Variants in COL4A6 observed in about 807,000 individuals in gnomAD.
The protein encoded by COL4A6 is collagen type IV alpha 6 chain.
In COL4A6, 59 loss-of-function variants were observed where a neutral mutation model predicts 126.7. The ratio of observed to expected loss-of-function variants is 0.47; its 90% CI spans 0.38 to 0.58. COL4A6 has a LOEUF of 0.58. Among genes scored for constraint, COL4A6 ranks in the 20% least tolerant of loss-of-function variants. The pLI, the probability that COL4A6 is intolerant of heterozygous loss-of-function variation, is 0.00. For synonymous variants in COL4A6, 547 were observed against 496.6 expected, an observed-to-expected ratio of 1.10 and a Z score of -1.35; for missense variants, 1,285 against 1,337.3, an observed-to-expected ratio of 0.96 and a Z score of 0.61.
In COL4A6 at chrX:108,190,506, A is replaced by G. The variant is rs756629044; in HGVS notation, c.1322-10T>C. 2 of 1,113,992 alleles carry G rather than the reference A, an allele frequency of 1.8e-6. No homozygotes were observed. The highest frequency in any genetic ancestry group is 4.5e-5 in the Admixed American group (2 of 44,588). The allele number at this position is 1,113,992 out of a possible 1,213,427, so 91.8% of individuals were successfully genotyped here. On this transcript the variant is annotated splice_polypyrimidine_tract_variant and intron_variant, in intron 19 of 44. Transcript: ENST00000334504. ...GTCTCAAATTCTGGACCTTTGGGTAAAAAAAAGATAAAGGATTAGCAACTT... is the reference window on the plus strand; with the variant it reads ...GTCTCAAATTCTGGACCTTTGGGTAGAAAAAAGATAAAGGATTAGCAACTT...
intron 23 of COL4A6, among the ~76,000 whole-genome samples, chrX:108,184,310 C>G (rs1043140173): frequency 4.4e-5 from 5 of 112,363 alleles, no homozygotes; most frequent in Non-Finnish European, 9.4e-5. Flanking sequence ...TTTCTTGAAA[C>G]TCTTCATACT....
At position 108,299,978 on chromosome X, in the gene COL4A6, A is replaced by G. The variant is rs754573413; in HGVS notation, c.144+10770T>C. 1.8e-5 allele frequency among the ~76,000 whole-genome samples: 2 copies of G among 111,845 alleles called. 1 individual carries two copies. The highest frequency in any genetic ancestry group is 7.7e-4 in the South Asian group (2 of 2,609). Reference sequence around the variant, plus strand: ...TCCCCAAACTCTGCCTTATACTTATAACCCCCACAATAAAATTTGTCAGGT... The same window carrying G: ...TCCCCAAACTCTGCCTTATACTTATGACCCCCACAATAAAATTTGTCAGGT... On this transcript the variant is annotated intron_variant, in intron 3 of 44. Coordinates refer to ENST00000334504, the MANE Select transcript of COL4A6 (RefSeq NM_033641.4).
chrX:108,176,294 G>A (rs890377018), intron 28 of COL4A6, among the ~76,000 whole-genome samples: 1 of 82,072 alleles, frequency 1.2e-5, no homozygotes, highest in African/African-American at 4.6e-5. Flanking sequence ...CACTTCACTC[G>A]AAAGAGCAAA....
At chrX:108,286,906 TC>T (rs1182329499) in intron 3 of COL4A6, among the ~76,000 whole-genome samples, 1 of 111,721 alleles carries the variant, frequency 9.0e-6, no homozygotes, top group Admixed American at 9.5e-5. Context: ...AGGGGCATAC[TC>T]CTTTCCCCTA....
intron 3 of COL4A6, among the ~76,000 whole-genome samples, chrX:108,257,763 G>A (rs2037045126): frequency 9.0e-6 from 1 of 110,899 alleles, no homozygotes. Flanking sequence ...GCTCTACAGA[G>A]GTACCAAACT....
At chrX:108,177,235 A>C (rs949804011) in intron 27 of COL4A6, among the ~76,000 whole-genome samples, 3 of 112,640 alleles carry the variant, frequency 2.7e-5, no homozygotes, top group Admixed American at 9.4e-5. Flanking sequence ...TACTTCCAGC[A>C]TGGCACATTA....
At chrX:108,176,587 T>G (rs2034496986) in intron 28 of COL4A6, among the ~76,000 whole-genome samples, 1 of 111,639 alleles carries the variant, frequency 9.0e-6, no homozygotes, top group Admixed American at 9.4e-5. Context: ...GTAAACCCAG[T>G]GTGGCTGGTA....
Position 108,192,494 on chromosome X carries a change from G to A in COL4A6, c.1159C>T (p.Pro387Ser). 2 of 1,208,435 alleles carry A rather than the reference G, an allele frequency of 1.7e-6. No individual in the cohort carries two copies. Among genetic ancestry groups the A allele is most frequent in the Non-Finnish European group, 2.2e-6 (2 of 893,182 alleles). Residue 387 changes from proline (P) to serine (S), a missense_variant, in exon 18 of 45, where the codon CCT becomes TCT. Transcript: ENST00000334504. ...TCACCTGATAATGCTGGCAATCCAG[G>A]GACACCAGAAGGGCCACGTAGGCCT... ...IQGLRGPSGV[P>S]GLPALSGVPG...
chrX:108,338,863 T>C (rs2039493844), intron 2 of COL4A6, among the ~76,000 whole-genome samples: 1 of 112,008 alleles, frequency 8.9e-6, no homozygotes, highest in Admixed American at 9.5e-5. Flanking sequence ...GACTATAGTA[T>C]GTAAAATTGT....
At chrX:108,267,009 C>G (rs935776594) in intron 3 of COL4A6, among the ~76,000 whole-genome samples, 2 of 112,127 alleles carry the variant, frequency 1.8e-5, no homozygotes, top group Non-Finnish European at 3.8e-5. Flanking sequence ...CTTTAGGTCA[C>G]AAGTCTGAAA....
chrX:108,415,333 C>A (rs1323921618), intron 2 of COL4A6, among the ~76,000 whole-genome samples: 1 of 111,630 alleles, frequency 9.0e-6, no homozygotes, highest in East Asian at 2.8e-4. Flanking sequence ...AAATGTAATG[C>A]CTATATTATT....
chrX:108,209,531 A>G, intron 8 of COL4A6, among the ~76,000 whole-genome samples: 1 of 112,467 alleles, frequency 8.9e-6, no homozygotes, highest in African/African-American at 3.2e-5. Flanking sequence ...TAATGCTCTT[A>G]TTAACATAAC....
At chrX:108,171,488 T>C (rs767249470) in intron 32 of COL4A6, 27 bp from the exon 33 acceptor site, 5 of 1,142,047 alleles carry the variant, frequency 4.4e-6, no homozygotes, top group Non-Finnish European at 6.0e-6. Context: ...ATTGTTTAAA[T>C]GGCCAGGAGA....
At position 108,187,987 on chromosome X, in the gene COL4A6, T is replaced by A; in HGVS notation, c.1628A>T (p.Lys543Met). ...TGTACTGAGAATTGGTTCCCCCTTC[T>A]TTCCTTTGGGTCCTGAAGGACCCAG... is the stretch of plus-strand genomic sequence containing the variant. ...GPLGPSGPKG[K>M]KGEPILSTIQ... is the part of the protein sequence containing the mutation. The change falls in exon 22 of 45, where the codon AAG becomes ATG. Residue 543 changes from lysine (K) to methionine (M), a missense_variant. Transcript: ENST00000334504. 8.3e-7 allele frequency: 1 copy of A among 1,204,022 alleles called. No homozygotes were observed. The highest frequency in any genetic ancestry group is 3.0e-5 in the East Asian group (1 of 33,710).
rs765964980 is a variant in COL4A6, at chrX:108,180,870, G to C, written c.2023+27C>G. 32 of 1,186,143 alleles carry C rather than the reference G, an allele frequency of 2.7e-5. No homozygotes were observed. The East Asian group carries it at 7.4e-4, about 28-fold the overall frequency. Reference sequence around the variant, plus strand: ...CTTATGGCCCTTACAAGAGTGTTTAGTGGCTTTCTCTGGCCTCATTCCATA... The same window carrying C: ...CTTATGGCCCTTACAAGAGTGTTTACTGGCTTTCTCTGGCCTCATTCCATA... On this transcript the variant is annotated intron_variant, in intron 24 of 44. Coordinates refer to ENST00000334504, the MANE Select transcript of COL4A6 (RefSeq NM_033641.4).
intron 2 of COL4A6, among the ~76,000 whole-genome samples, chrX:108,331,558 T>C (rs1246899589): frequency 2.7e-5 from 3 of 112,062 alleles, no homozygotes. Context: ...ACCACTGTTG[T>C]ATATGCCATC....
chrX:108,188,578 C>T lies in COL4A6; in HGVS notation c.1526G>A (p.Gly509Asp), dbSNP rs2034943543. 15 of 1,199,412 alleles carry T rather than the reference C, an allele frequency of 1.3e-5. No homozygotes were observed. Among genetic ancestry groups the T allele is most frequent in the African/African-American group, 3.5e-5 (2 of 57,295 alleles). Residue 509 changes from glycine to aspartate, a missense_variant, in exon 21 of 45, where the codon GGC becomes GAC. Physicochemically the swap from Gly to Asp is moderately conservative, Grantham distance 94. Transcript: ENST00000334504. ...TCGATCTCCTCTGGCTCCTTTAAGG[C>T]CTGGAAGGCCTATGAGACCCCATGG... is the stretch of plus-strand genomic sequence containing the variant. ...PGPWGLIGLP[G>D]LKGARGDRGS...
chrX:108,205,766 A>G, intron 9 of COL4A6, 71 bp from the exon 10 acceptor site: 2 of 908,824 alleles, frequency 2.2e-6, no homozygotes, highest in African/African-American at 2.0e-5. Context: ...CGGCATGTTG[A>G]GAGTCACTCC....
chrX:108,188,131 G>T, intron 21 of COL4A6, 104 bp from the exon 22 acceptor site: 1 of 631,446 alleles, frequency 1.6e-6, no homozygotes, highest in Non-Finnish European at 2.4e-6. Context: ...GTACATATTG[G>T]CACTGTTCTA....
Sources: gnomAD v4.1 joint callset for allele counts (sites outside exome capture counted in the v4.1 genomes callset) on GRCh38, gnomAD v4.1.1 for gene constraint, MANE v1.5 for transcripts, NCBI Gene and HGNC (gene_info 2026-07-23, HGNC 2026-07-21) for gene names.